MSR1: variants seen among roughly 807,000 people sequenced by gnomAD.
MSR1 encodes the protein macrophage scavenger receptor types I and II.
Under a neutral mutation model 47.2 loss-of-function variants are expected in MSR1, and 53 were observed. The observed-to-expected ratio is 1.12, with a 90% CI of 0.90 to 1.41. MSR1 has a LOEUF of 1.41. Among genes scored for constraint, MSR1 ranks in the 40% most tolerant of loss-of-function variants. The pLI is 0.00. For missense variants in MSR1, 786 were observed against 546.9 expected (o/e 1.44, Z -4.36); for synonymous variants, 239 against 185.6 (o/e 1.29, Z -2.34).
At chr8:16,142,497 A>G (rs1251040920) in intron 8 of MSR1, among the ~76,000 whole-genome samples, 1 of 152,208 alleles carries the variant, frequency 6.6e-6, no homozygotes, top group East Asian at 1.9e-4. Context: ...CTCCGAAGAC[A>G]CACAATACTC....
At chr8:16,189,248 G>T (rs182980792) in intron 1 of MSR1, among the ~76,000 whole-genome samples, 21,923 of 123,940 alleles carry the variant, frequency 0.18, 3,307 homozygotes, top group African/African-American at 0.39. Flanking sequence ...TATATATTTA[G>T]ATATAATCTT....
At chr8:16,120,280 G>A in intron 9 of MSR1, 138 bp downstream of exon 9, 1 of 862,626 alleles carries the variant, frequency 1.2e-6, no homozygotes, top group Non-Finnish European at 1.9e-6. Context: ...GGCAGGCTAA[G>A]GGAGGAGAAT....
At chr8:16,141,143 T>C in intron 8 of MSR1, 1 of 1,347,178 alleles carries the variant, frequency 7.4e-7, no homozygotes, top group Non-Finnish European at 1.0e-6. Context: ...TCAATATAAA[T>C]TTTCACATAC....
At position 16,122,088 on chromosome 8, in the gene MSR1, G is replaced by C. The variant is rs147217428; in HGVS notation, c.1034-1482C>G. ...TATATATAATTATAATTATTCTCTT[G>C]ATTCTTCCAAAATATAATTCAGTGC... is the stretch of plus-strand genomic sequence containing the variant. On this transcript the variant is annotated intron_variant, in intron 8 of 9. Transcript: ENST00000262101. Among the ~76,000 whole-genome samples, 498 of 152,104 alleles carry C rather than the reference G, an allele frequency of 3.3e-3. 1 individual carries two copies. Among genetic ancestry groups the C allele is most frequent in the African/African-American group, 0.011 (470 of 41,522 alleles).
intron 1 of MSR1, among the ~76,000 whole-genome samples, chr8:16,190,500 G>C (rs1802166851): frequency 6.6e-6 from 1 of 151,974 alleles, no homozygotes; most frequent in Non-Finnish European, 1.5e-5. Flanking sequence ...ATGTAAGAGA[G>C]AGATTTCACT....
chr8:16,112,505 T>C (rs12676591), intron 9 of MSR1, among the ~76,000 whole-genome samples: 15,483 of 152,102 alleles, frequency 0.1, 998 homozygotes, highest in South Asian at 0.2. Flanking sequence ...ATTTTTATAT[T>C]AATATATTCA....
intron 1 of MSR1, among the ~76,000 whole-genome samples, chr8:16,188,967 C>CATATATATATAT (rs200739372): frequency 3.3e-5 from 4 of 122,276 alleles, no homozygotes; most frequent in African/African-American, 5.9e-5. Context: ...AACACACATA[C>CATATATATATAT]ATATATATAT....
intron 8 of MSR1, among the ~76,000 whole-genome samples, chr8:16,134,040 T>G (rs1800326374): frequency 6.6e-6 from 1 of 152,186 alleles, no homozygotes; most frequent in African/African-American, 2.4e-5. Flanking sequence ...GCAGGGTTCA[T>G]CTTCAATATT....
intron 5 of MSR1, among the ~76,000 whole-genome samples, chr8:16,158,574 G>C (rs1801073840): frequency 6.6e-6 from 1 of 151,556 alleles, no homozygotes; most frequent in African/African-American, 2.4e-5. Flanking sequence ...CTCATATTCA[G>C]ATCATCATAA....
intron 5 of MSR1, among the ~76,000 whole-genome samples, chr8:16,160,435 C>T (rs1801130161): frequency 3.3e-5 from 5 of 151,978 alleles, no homozygotes; most frequent in Admixed American, 1.3e-4. Context: ...ATTGCTCACC[C>T]ACTATTTTCC....
chr8:16,137,491 A>G (rs1477126745), intron 8 of MSR1, among the ~76,000 whole-genome samples: 3 of 152,166 alleles, frequency 2.0e-5, no homozygotes, highest in African/African-American at 7.2e-5. Context: ...CATACCCTCC[A>G]CATGACATAT....
At chr8:16,147,566 G>C (rs1446316310) in intron 7 of MSR1, among the ~76,000 whole-genome samples, 1 of 152,134 alleles carries the variant, frequency 6.6e-6, no homozygotes, top group African/African-American at 2.4e-5. Context: ...TGGGGTCTTA[G>C]CTCTGAAATA....
Position 16,108,546 on chromosome 8 carries a change from A to T in MSR1, c.*1539T>A, listed in dbSNP as rs1451399667. ...TTTACCTTTTGAAGAAAATACCTAG[A>T]TAGTGGAACTGAACACAAAGAATTA... is the stretch of plus-strand genomic sequence containing the variant. On this transcript the variant is annotated 3_prime_UTR_variant, in exon 10 of 10. Transcript: ENST00000262101. 1 of 152,136 alleles carries T rather than the reference A, an allele frequency of 6.6e-6. No individual in the cohort carries two copies. The highest frequency in any genetic ancestry group is 1.5e-5 in the Non-Finnish European group (1 of 68,000). The allele number at this position is 152,136 out of a possible 1,614,324, so 9.4% of individuals were successfully genotyped here. A position where few individuals can be genotyped will look rare whatever the true frequency, so the allele number is the denominator to read the frequency against.
intron 9 of MSR1, among the ~76,000 whole-genome samples, chr8:16,111,061 C>G (rs920808524): frequency 6.6e-6 from 1 of 152,102 alleles, no homozygotes; most frequent in Non-Finnish European, 1.5e-5. Flanking sequence ...AATTATCTTA[C>G]TAGGCATGGC....
At chr8:16,183,555 T>G (rs923944558) in intron 1 of MSR1, among the ~76,000 whole-genome samples, 2 of 145,288 alleles carry the variant, frequency 1.4e-5, no homozygotes, top group Non-Finnish European at 3.0e-5. Flanking sequence ...ATATACATTA[T>G]ATAATATATA....
At chr8:16,185,961 G>A (rs1192495750) in intron 1 of MSR1, among the ~76,000 whole-genome samples, 2 of 151,998 alleles carry the variant, frequency 1.3e-5, no homozygotes, top group African/African-American at 4.8e-5. Flanking sequence ...CGCTGCAAGA[G>A]AAAAACAAGA....
intron 8 of MSR1, among the ~76,000 whole-genome samples, chr8:16,142,535 C>T (rs1490198056): frequency 6.6e-6 from 1 of 152,114 alleles, no homozygotes; most frequent in Non-Finnish European, 1.5e-5. Flanking sequence ...ATCATGATTA[C>T]ACTAATGACT....
chr8:16,189,886 G>C (rs914425902), intron 1 of MSR1, among the ~76,000 whole-genome samples: 2 of 143,518 alleles, frequency 1.4e-5, no homozygotes, highest in African/African-American at 5.2e-5. Flanking sequence ...ATGCTTCACT[G>C]ATATAAATAA....
chr8:16,161,128 G>A (rs1208616115), intron 5 of MSR1, among the ~76,000 whole-genome samples: 2 of 150,832 alleles, frequency 1.3e-5, no homozygotes, highest in Non-Finnish European at 3.0e-5. Context: ...ACTGGGATAT[G>A]GTTGCTTGAA....
Sources: allele counts gnomAD v4.1 joint callset (sites outside exome capture counted in the v4.1 genomes callset), GRCh38; gene constraint gnomAD v4.1.1; transcripts MANE v1.5; gene names NCBI Gene and HGNC (gene_info 2026-07-23, HGNC 2026-07-21).